LPCAT2: variants seen among roughly 807,000 people sequenced by gnomAD.
LPCAT2 encodes lysophosphatidylcholine acyltransferase 2, also known as 1-AGP acyltransferase 11.
In LPCAT2, 58 loss-of-function variants were observed where a neutral mutation model predicts 64.7. The observed-to-expected ratio is 0.90, with a 90% CI of 0.73 to 1.12. LPCAT2 has a LOEUF of 1.12. LPCAT2 is among the 50% of genes most tolerant of loss of function. The pLI is 0.00. For synonymous variants in LPCAT2, 252 were observed against 245.3 expected (o/e 1.03, Z -0.26); for missense variants, 579 against 669.8 (o/e 0.86, Z 1.50).
chr16:55,568,190 G>C (rs984111531), intron 11 of LPCAT2, among the ~76,000 whole-genome samples: 7 of 152,020 alleles, frequency 4.6e-5, no homozygotes, highest in Non-Finnish European at 1.0e-4. Context: ...CATTTGTAAA[G>C]AGAGTCAAAG....
intron 8 of LPCAT2, 73 bp downstream of exon 8, chr16:55,537,705 G>C (rs1345862122): frequency 1.6e-6 from 2 of 1,260,420 alleles, no homozygotes; most frequent in Non-Finnish European, 2.3e-6. Flanking sequence ...CTAGTCTAGA[G>C]AGACCAGATA....
At chr16:55,524,990 C>A (rs535375672) in intron 1 of LPCAT2, among the ~76,000 whole-genome samples, 71 of 152,072 alleles carry the variant, frequency 4.7e-4, no homozygotes, top group African/African-American at 1.5e-3. Flanking sequence ...ATTTCTTCTT[C>A]TTATTTATTT....
At chr16:55,566,331 A>G (rs1963695530) in intron 11 of LPCAT2, among the ~76,000 whole-genome samples, 1 of 152,178 alleles carries the variant, frequency 6.6e-6, no homozygotes, top group South Asian at 2.1e-4. Context: ...TATTCTAACA[A>G]TAAATATTTC....
rs1016054199 is a variant in LPCAT2 at position 55,583,343 on chromosome 16, T to G, written c.*245T>G. 18 of 350,348 alleles carry G rather than the reference T, an allele frequency of 5.1e-5. No homozygotes were observed. In the South Asian group the frequency reaches 8.6e-4, roughly 17 times the overall value. The allele number at this position is 350,348 out of a possible 1,614,324, so 21.7% of individuals were successfully genotyped here. A position where few individuals can be genotyped will look rare whatever the true frequency, so the allele number is the denominator to read the frequency against. ...CTGATTCATTTACTGGTGATACATATGTTTTTATGGATTTTCCAGTTTAAT... is the reference window on the plus strand; with the variant it reads ...CTGATTCATTTACTGGTGATACATAGGTTTTTATGGATTTTCCAGTTTAAT... On this transcript the variant is annotated 3_prime_UTR_variant, in exon 14 of 14. Transcript: ENST00000262134.
chr16:55,577,972 C>T (rs776937268), intron 12 of LPCAT2, among the ~76,000 whole-genome samples: 10 of 152,058 alleles, frequency 6.6e-5, no homozygotes, highest in Middle Eastern at 3.4e-3. Flanking sequence ...ATCCAACAAA[C>T]GGTTTTGCTT....
intron 9 of LPCAT2, among the ~76,000 whole-genome samples, chr16:55,546,877 G>A (rs1166363216): frequency 2.6e-5 from 4 of 151,998 alleles, no homozygotes; most frequent in Admixed American, 6.6e-5. Context: ...GGCTGGGCGC[G>A]GTGACTCACA....
At position 55,586,387 on chromosome 16, in the gene LPCAT2, TTTC is replaced by T. The variant is rs1166143253; in HGVS notation, c.*3292_*3294del. The T allele has an allele frequency of 2.6e-5, 4 of 152,224 alleles. No individual in the cohort carries two copies. The East Asian group carries it at 7.7e-4, about 29-fold the overall frequency. The allele number at this position is 152,224 out of a possible 1,614,324, so 9.4% of individuals were successfully genotyped here. A position where few individuals can be genotyped will look rare whatever the true frequency, so the allele number is the denominator to read the frequency against. On this transcript the variant is annotated 3_prime_UTR_variant, in exon 14 of 14. Transcript: ENST00000262134. ...TTTTATAACGTATTAACCTTATTATTTTCTTATTATTTTAAAAGAATCTATGCA... is the reference window on the plus strand; with the variant it reads ...TTTTATAACGTATTAACCTTATTATTTTATTATTTTAAAAGAATCTATGCA...
At chr16:55,527,595 C>G (rs1252028606) in intron 2 of LPCAT2, among the ~76,000 whole-genome samples, 2 of 151,892 alleles carry the variant, frequency 1.3e-5, no homozygotes, top group African/African-American at 4.8e-5. Flanking sequence ...TGTGTTTGCA[C>G]TTCTAGGAAT....
At chr16:55,521,343 A>T (rs1354493825) in intron 1 of LPCAT2, among the ~76,000 whole-genome samples, 1 of 151,796 alleles carries the variant, frequency 6.6e-6, no homozygotes, top group Non-Finnish European at 1.5e-5. Context: ...ATCCACACAT[A>T]TACATTTAAA....
Position 55,509,333 on chromosome 16 carries a change from G to A in LPCAT2, c.152G>A (p.Gly51Asp), listed in dbSNP as rs769544051. The change falls in exon 1 of 14, where the codon GGC (glycine) becomes GAC (aspartate). Residue 51 changes from glycine to aspartate, a missense_variant. Coordinates refer to ENST00000262134, the MANE Select transcript of LPCAT2 (RefSeq NM_017839.5). ...PNPFVQQTQI[G>D]SARRVQIVLL... is the part of the protein sequence containing the mutation. Reference sequence around the variant, plus strand: ...CCCTTCGTGCAGCAGACGCAGATCGGCTCCGCGAGGCGGGTCCAGGTGAGG... The same window carrying A: ...CCCTTCGTGCAGCAGACGCAGATCGACTCCGCGAGGCGGGTCCAGGTGAGG... The A allele has an allele frequency of 5.5e-6, 8 of 1,450,664 alleles. No homozygotes were observed. In the Admixed American group the frequency reaches 1.9e-4, roughly 34 times the overall value. 89.9% of individuals were successfully genotyped at this position (1,450,664 alleles called of 1,614,324 possible). A position where few individuals can be genotyped will look rare whatever the true frequency, so the allele number is the denominator to read the frequency against.
At chr16:55,564,839 A>G (rs1963674725) in intron 11 of LPCAT2, among the ~76,000 whole-genome samples, 1 of 152,012 alleles carries the variant, frequency 6.6e-6, no homozygotes, top group East Asian at 1.9e-4. Flanking sequence ...AAATAGATAA[A>G]TATGACCACA....
chr16:55,528,469 C>A lies in LPCAT2; in HGVS notation c.404C>A (p.Pro135His). The stretch of plus-strand genomic sequence containing the variant: ...GCTGTAAAAGGAAAGATTGCAAGTC[C>A]TTTGGAAGCACCAGTTTTTGTTGCT... ...IVAVKGKIAS[P>H]LEAPVFVAAP... The change falls in exon 3 of 14, where the codon CCT becomes CAT. Residue 135 changes from proline (P) to histidine (H), a missense_variant. Pro to His is a moderately conservative substitution (Grantham distance 77, BLOSUM62 -2). Transcript: ENST00000262134. 5.0e-6 allele frequency: 8 copies of A among 1,614,014 alleles called. No homozygotes were observed. The highest frequency in any genetic ancestry group is 6.8e-6 in the Non-Finnish European group (8 of 1,179,936).
At chr16:55,559,139 A>G (rs1963607637) in intron 11 of LPCAT2, among the ~76,000 whole-genome samples, 1 of 152,202 alleles carries the variant, frequency 6.6e-6, no homozygotes, top group Non-Finnish European at 1.5e-5. Flanking sequence ...TCTTTTTACC[A>G]ACACCATTAT....
At position 55,584,673 on chromosome 16, in the gene LPCAT2, T is replaced by A. The variant is rs1332920335; in HGVS notation, c.*1575T>A. ...TAATTTTTTAAAGTCATTTTTGAAG[T>A]TGGGAAGTCTCATGAGAGATGTTGA... On this transcript the variant is annotated 3_prime_UTR_variant, in exon 14 of 14. Transcript: ENST00000262134. 7 of 152,162 alleles carry A rather than the reference T, an allele frequency of 4.6e-5. No individual in the cohort carries two copies. The highest frequency in any genetic ancestry group is 1.7e-4 in the African/African-American group (7 of 41,444). 9.4% of individuals were successfully genotyped at this position (152,162 alleles called of 1,614,324 possible).
intron 11 of LPCAT2, chr16:55,566,907 G>T (rs750778469): frequency 3.7e-6 from 6 of 1,613,722 alleles, no homozygotes; most frequent in Non-Finnish European, 5.1e-6. Context: ...TATCAGTGAG[G>T]CTGCAGCAGC....
intron 8 of LPCAT2, chr16:55,540,615 A>C (rs887827734): frequency 6.5e-6 from 1 of 152,910 alleles, no homozygotes; most frequent in East Asian, 1.9e-4. Flanking sequence ...AGTTTCCTTC[A>C]TAGGCTATAT....
chr16:55,568,490 C>T lies in LPCAT2; in HGVS notation c.1216-6141C>T, dbSNP rs181064799. On this transcript the variant is annotated intron_variant, in intron 11 of 13. Transcript: ENST00000262134. ...AAACCAATATAGAGAACACATATTGCTGACTATTGCAATTATTCTCAGCCC... is the reference window on the plus strand; with the variant it reads ...AAACCAATATAGAGAACACATATTGTTGACTATTGCAATTATTCTCAGCCC... Among the ~76,000 whole-genome samples, 4 of 152,266 alleles carry T rather than the reference C, an allele frequency of 2.6e-5. No homozygotes were observed. In the East Asian group the frequency reaches 7.7e-4, roughly 29 times the overall value.
At chr16:55,530,492 T>TG (rs57443448) in intron 4 of LPCAT2, among the ~76,000 whole-genome samples, 19 of 142,286 alleles carry the variant, frequency 1.3e-4, no homozygotes, top group African/African-American at 4.3e-4. Context: ...AATGCGGGGG[T>TG]GGGGGGGGGG....
chr16:55,527,555 A>G (rs1330243176), intron 2 of LPCAT2, among the ~76,000 whole-genome samples: 3 of 150,990 alleles, frequency 2.0e-5, no homozygotes, highest in African/African-American at 7.3e-5. Context: ...AAAAAGCTAT[A>G]TGCTTATTCA....
Sources: gnomAD v4.1 joint callset for allele counts (sites outside exome capture counted in the v4.1 genomes callset) on GRCh38, gnomAD v4.1.1 for gene constraint, MANE v1.5 for transcripts, NCBI Gene and HGNC (gene_info 2026-07-23, HGNC 2026-07-21) for gene names.